The following RBMS3 variants were observed in gnomAD, a reference collection of about 807,000 sequenced individuals.
RBMS3 encodes RNA binding motif single stranded interacting protein 3.
RBMS3 carries 27 observed loss-of-function variants against 66.8 expected under a neutral mutation model. That is an observed-to-expected ratio of 0.40 (90% CI 0.30 to 0.56). The LOEUF (loss-of-function observed/expected upper bound fraction) is 0.56, where lower values mean the gene tolerates loss of function less well. Ranked by LOEUF, RBMS3 falls within the 20% of genes least tolerant of loss-of-function variation. The probability of loss-of-function intolerance (pLI) is 0.40; values close to 1 mark genes in which losing one functional copy is unlikely to be tolerated. For missense variants in RBMS3, 513 were observed against 549.5 expected (o/e 0.93, Z 0.66); for synonymous variants, 188 against 183.0 (o/e 1.03, Z -0.22).
intron 6 of RBMS3, among the ~76,000 whole-genome samples, chr3:29,780,470 T>A: frequency 6.6e-6 from 1 of 152,134 alleles, no homozygotes; most frequent in South Asian, 2.1e-4. Context: ...AATAGTTTAC[T>A]TTTTATGTGA....
At chr3:29,661,044 G>C (rs1440803145) in intron 4 of RBMS3, among the ~76,000 whole-genome samples, 1 of 152,202 alleles carries the variant, frequency 6.6e-6, no homozygotes, top group East Asian at 1.9e-4. Context: ...GCTATCTGCA[G>C]GTTGCTCCAG....
intron 4 of RBMS3, among the ~76,000 whole-genome samples, chr3:29,695,788 A>C (rs1235246637): frequency 1.3e-5 from 2 of 152,226 alleles, no homozygotes; most frequent in African/African-American, 2.4e-5. Context: ...ACACATTGCC[A>C]ACTCTTGCTT....
chr3:29,791,965 G>A (rs1180226565), intron 6 of RBMS3, among the ~76,000 whole-genome samples: 2 of 151,944 alleles, frequency 1.3e-5, no homozygotes, highest in Non-Finnish European at 2.9e-5. Flanking sequence ...GAAATATAAT[G>A]AAAAATCTTA....
intron 4 of RBMS3, among the ~76,000 whole-genome samples, chr3:29,657,091 A>G (rs1216612551): frequency 1.3e-5 from 2 of 152,200 alleles, no homozygotes; most frequent in Non-Finnish European, 2.9e-5. Context: ...CTAGGCTAGA[A>G]TTCAGTCACA....
chr3:29,500,584 T>C (rs2043930488), intron 3 of RBMS3, among the ~76,000 whole-genome samples: 1 of 152,102 alleles, frequency 6.6e-6, no homozygotes, highest in Non-Finnish European at 1.5e-5. Flanking sequence ...TGTTTAGATA[T>C]ACAAATACTT....
intron 1 of RBMS3, among the ~76,000 whole-genome samples, chr3:29,416,500 A>G (rs2040482600): frequency 6.6e-6 from 1 of 152,028 alleles, no homozygotes; most frequent in Admixed American, 6.6e-5. Flanking sequence ...TTTAATCACA[A>G]CTGGTCCTTG....
chr3:29,593,256 T>A (rs1284553143), intron 4 of RBMS3, among the ~76,000 whole-genome samples: 1 of 152,228 alleles, frequency 6.6e-6, no homozygotes, highest in Non-Finnish European at 1.5e-5. Flanking sequence ...CTACCAAAGC[T>A]ACTCTTCTGA....
chr3:29,800,166 C>T (rs1321034649), intron 6 of RBMS3, among the ~76,000 whole-genome samples: 1 of 152,070 alleles, frequency 6.6e-6, no homozygotes, highest in Non-Finnish European at 1.5e-5. Context: ...TTATTCACTC[C>T]CTGCCCTTTT....
At chr3:29,772,513 T>G (rs2056255118) in intron 6 of RBMS3, among the ~76,000 whole-genome samples, 1 of 152,054 alleles carries the variant, frequency 6.6e-6, no homozygotes, top group African/African-American at 2.4e-5. Context: ...GTAAGAGTTT[T>G]TTTCAGCACC....
intron 10 of RBMS3, among the ~76,000 whole-genome samples, chr3:29,929,411 A>G (rs933400568): frequency 1.3e-5 from 2 of 152,202 alleles, no homozygotes; most frequent in Non-Finnish European, 2.9e-5. Flanking sequence ...AAATACTTCA[A>G]TATGACATAT....
chr3:29,988,439 A>G (rs1003238291), intron 13 of RBMS3, among the ~76,000 whole-genome samples: 3 of 152,252 alleles, frequency 2.0e-5, no homozygotes, highest in African/African-American at 7.2e-5. Flanking sequence ...TGGAGGCACG[A>G]CGGGAGTCTC....
At chr3:29,494,042 ATTTG>A (rs1213195750) in intron 3 of RBMS3, among the ~76,000 whole-genome samples, 7 of 152,130 alleles carry the variant, frequency 4.6e-5, no homozygotes, top group Admixed American at 1.3e-4. Context: ...GAACTGAAGG[ATTTG>A]TTTATTTTTA....
At chr3:29,509,566 C>T (rs922818603) in intron 3 of RBMS3, among the ~76,000 whole-genome samples, 3 of 152,150 alleles carry the variant, frequency 2.0e-5, no homozygotes, top group Non-Finnish European at 4.4e-5. Flanking sequence ...TTTAATGTCT[C>T]ACATGTCATC....
At chr3:29,778,352 C>T (rs1234883636) in intron 6 of RBMS3, among the ~76,000 whole-genome samples, 2 of 151,624 alleles carry the variant, frequency 1.3e-5, no homozygotes, top group Non-Finnish European at 3.0e-5. Context: ...TTCACTTCTT[C>T]ACACCAATAT....
intron 4 of RBMS3, among the ~76,000 whole-genome samples, chr3:29,608,812 T>C (rs2149129803): frequency 1.3e-5 from 2 of 152,166 alleles, no homozygotes; most frequent in South Asian, 4.1e-4. Context: ...AGAAACTGAA[T>C]GTGCTTAATG....
At chr3:29,692,356 A>G (rs1435390012) in intron 4 of RBMS3, among the ~76,000 whole-genome samples, 1 of 152,132 alleles carries the variant, frequency 6.6e-6, no homozygotes, top group Non-Finnish European at 1.5e-5. Flanking sequence ...CAAGCTTGCT[A>G]AGACTTAAAG....
At chr3:29,992,622 A>AT (rs1698961105) in intron 14 of RBMS3, among the ~76,000 whole-genome samples, 1 of 152,112 alleles carries the variant, frequency 6.6e-6, no homozygotes, top group Non-Finnish European at 1.5e-5. Context: ...AACTATAGGT[A>AT]TTAAAATTAT....
At chr3:29,589,998 C>G (rs1470751139) in intron 4 of RBMS3, among the ~76,000 whole-genome samples, 1 of 152,004 alleles carries the variant, frequency 6.6e-6, no homozygotes, top group Non-Finnish European at 1.5e-5. Context: ...GCAAGTTACC[C>G]AGGAAGTGGT....
intron 6 of RBMS3, among the ~76,000 whole-genome samples, chr3:29,858,180 AT>A (rs112614150): frequency 1.3e-5 from 2 of 152,212 alleles, no homozygotes; most frequent in Non-Finnish European, 2.9e-5. Flanking sequence ...GAATTTACTA[AT>A]TTTTTACATG....
Sources: allele counts gnomAD v4.1 joint callset (sites outside exome capture counted in the v4.1 genomes callset), GRCh38; gene constraint gnomAD v4.1.1; transcripts MANE v1.5; gene names NCBI Gene and HGNC (gene_info 2026-07-23, HGNC 2026-07-21).